CSMD3: variants seen among roughly 807,000 people sequenced by gnomAD.
CSMD3 encodes the protein CUB and Sushi multiple domains 3, also known as CUB and sushi domain-containing protein 3.
A neutral mutation model predicts 435.2 loss-of-function variants in CSMD3; 177 were observed. The ratio of observed to expected loss-of-function variants is 0.41; its 90% CI spans 0.36 to 0.46. The LOEUF (loss-of-function observed/expected upper bound fraction) is 0.46, where lower values mean the gene tolerates loss of function less well. Among genes scored for constraint, CSMD3 ranks in the 20% least tolerant of loss-of-function variants. The pLI, the probability that CSMD3 is intolerant of heterozygous loss-of-function variation, is 0.34. For synonymous variants in CSMD3, 1,656 were observed against 1,520.5 expected, an observed-to-expected ratio of 1.09 and a Z score of -2.07; for missense variants, 4,265 against 4,504.6, an observed-to-expected ratio of 0.95 and a Z score of 1.52.
At position 112,464,403 on chromosome 8, in the gene CSMD3, AT is replaced by A. The variant is rs560351855; in HGVS notation, c.5395+8187del. ...AATAAACCCAGAGTTCTTAAACCTT[AT>A]AAAGCAACCATTGTTTCTAACCTTG... is the stretch of plus-strand genomic sequence containing the variant. On this transcript the variant is annotated intron_variant, in intron 32 of 70. Transcript: ENST00000297405. 5.9e-5 allele frequency among the ~76,000 whole-genome samples: 9 copies of A among 152,276 alleles called. No homozygotes were observed. The South Asian group carries it at 1.7e-3, about 28-fold the overall frequency.
intron 32 of CSMD3, among the ~76,000 whole-genome samples, chr8:112,423,716 A>ATAC (rs1356730345): frequency 1.3e-5 from 2 of 152,294 alleles, no homozygotes; most frequent in Admixed American, 6.5e-5. Flanking sequence ...TCATTTAGGT[A>ATAC]TACTAATATG....
chr8:113,079,993 C>T (rs2089492477), intron 5 of CSMD3, among the ~76,000 whole-genome samples: 1 of 152,026 alleles, frequency 6.6e-6, no homozygotes, highest in South Asian at 2.1e-4. Flanking sequence ...TTGAGATGCT[C>T]TTTTTCTGAA....
chr8:112,596,286 T>C (rs909628351), intron 22 of CSMD3, among the ~76,000 whole-genome samples: 6 of 151,984 alleles, frequency 3.9e-5, no homozygotes, highest in African/African-American at 7.3e-5. Flanking sequence ...TACATAATGG[T>C]AAAGGGATCA....
At chr8:112,239,101 G>C (rs1465720005) in intron 66 of CSMD3, among the ~76,000 whole-genome samples, 1 of 151,980 alleles carries the variant, frequency 6.6e-6, no homozygotes, top group Non-Finnish European at 1.5e-5. Context: ...GTTCAAATAA[G>C]GCAAACACAG....
intron 13 of CSMD3, among the ~76,000 whole-genome samples, chr8:112,724,107 T>C (rs1018388517): frequency 3.3e-5 from 5 of 151,974 alleles, no homozygotes; most frequent in Non-Finnish European, 7.4e-5. Context: ...TGAAGCAGAA[T>C]AGGGTAACTG....
At chr8:112,942,907 G>A (rs1436147017) in intron 9 of CSMD3, among the ~76,000 whole-genome samples, 1 of 151,700 alleles carries the variant, frequency 6.6e-6, no homozygotes, top group Non-Finnish European at 1.5e-5. Flanking sequence ...CTGTCAGAAT[G>A]TCTTCCAAAG....
chr8:113,111,315 A>G (rs1451219218), intron 4 of CSMD3, among the ~76,000 whole-genome samples: 1 of 152,194 alleles, frequency 6.6e-6, no homozygotes, highest in Non-Finnish European at 1.5e-5. Context: ...CAAGCCAATT[A>G]ACCTATCCAT....
At chr8:112,628,388 TGG>T (rs1834664523) in intron 22 of CSMD3, among the ~76,000 whole-genome samples, 1 of 42,506 alleles carries the variant, frequency 2.4e-5, no homozygotes. Flanking sequence ...CTTAATTACT[TGG>T]TTGGTTGGTT....
chr8:113,369,432 G>A (rs1232929049), intron 1 of CSMD3, among the ~76,000 whole-genome samples: 1 of 151,856 alleles, frequency 6.6e-6, no homozygotes, highest in African/African-American at 2.4e-5. Flanking sequence ...TGAAAAAAAA[G>A]GAAACTGTTG....
At chr8:112,369,545 A>C (rs1253288958) in intron 38 of CSMD3, among the ~76,000 whole-genome samples, 4 of 152,196 alleles carry the variant, frequency 2.6e-5, no homozygotes, top group African/African-American at 9.7e-5. Flanking sequence ...AAAAAGAATG[A>C]GTTCATGTCA....
At chr8:112,960,439 C>G (rs551078140) in intron 7 of CSMD3, among the ~76,000 whole-genome samples, 1 of 151,688 alleles carries the variant, frequency 6.6e-6, no homozygotes, top group African/African-American at 2.4e-5. Context: ...GTTTCTGTAG[C>G]ATAATTTTTA....
At chr8:112,552,501 C>A in intron 26 of CSMD3, 93 bp downstream of exon 26, 3 of 1,320,248 alleles carry the variant, frequency 2.3e-6, no homozygotes, top group Non-Finnish European at 3.1e-6. Flanking sequence ...AACAAACAAA[C>A]AAAAAATGAA....
At chr8:112,950,886 G>A (rs962940980) in intron 8 of CSMD3, among the ~76,000 whole-genome samples, 1 of 151,946 alleles carries the variant, frequency 6.6e-6, no homozygotes, top group African/African-American at 2.4e-5. Context: ...AAAATGCAGA[G>A]CATGTGTATA....
chr8:112,336,362 G>C (rs934396611), intron 44 of CSMD3, among the ~76,000 whole-genome samples: 1 of 152,032 alleles, frequency 6.6e-6, no homozygotes, highest in African/African-American at 2.4e-5. Context: ...TTAAACTTAA[G>C]TCTGTTAACT....
intron 27 of CSMD3, among the ~76,000 whole-genome samples, chr8:112,529,905 T>C (rs1825356328): frequency 6.6e-6 from 1 of 151,920 alleles, no homozygotes. Context: ...ATAAAGATGC[T>C]CAGAAAGCTC....
At chr8:112,576,148 A>G (rs1829924912) in intron 23 of CSMD3, among the ~76,000 whole-genome samples, 1 of 152,130 alleles carries the variant, frequency 6.6e-6, no homozygotes, top group Non-Finnish European at 1.5e-5. Flanking sequence ...ATAGTCAAAT[A>G]AAGGGAGAAT....
intron 1 of CSMD3, among the ~76,000 whole-genome samples, chr8:113,369,124 A>C (rs1482745902): frequency 2.0e-5 from 3 of 151,968 alleles, no homozygotes; most frequent in Admixed American, 6.6e-5. Context: ...TATTATAGTA[A>C]ATCTCTATCA....
At chr8:112,748,854 C>G (rs1000307288) in intron 13 of CSMD3, among the ~76,000 whole-genome samples, 6 of 152,070 alleles carry the variant, frequency 3.9e-5, no homozygotes, top group African/African-American at 1.4e-4. Context: ...GGATATATAC[C>G]CAGTAATGGG....
chr8:113,087,039 C>A (rs1020789025), intron 5 of CSMD3, among the ~76,000 whole-genome samples: 2 of 152,158 alleles, frequency 1.3e-5, no homozygotes, highest in African/African-American at 4.8e-5. Flanking sequence ...TTCTCTCTCT[C>A]TCACACTTCT....
Sources: allele counts gnomAD v4.1 joint callset (sites outside exome capture counted in the v4.1 genomes callset), GRCh38; gene constraint gnomAD v4.1.1; transcripts MANE v1.5; gene names NCBI Gene and HGNC (gene_info 2026-07-23, HGNC 2026-07-21).